NOL4L: variants seen among roughly 807,000 people sequenced by gnomAD.
NOL4L encodes the protein nucleolar protein 4 like.
A neutral mutation model predicts 64.5 loss-of-function variants in NOL4L; 7 were observed. The ratio of observed to expected loss-of-function variants is 0.11; its 90% CI spans 0.06 to 0.20. The LOEUF (loss-of-function observed/expected upper bound fraction) is 0.20, where lower values mean the gene tolerates loss of function less well. NOL4L is among the 10% of genes least tolerant of loss of function. The pLI is 1.00. For synonymous variants in NOL4L, 413 were observed against 401.0 expected (o/e 1.03, Z -0.36); for missense variants, 680 against 967.1 (o/e 0.70, Z 3.94).
chr20:32,475,126 G>C (rs1397324443), intron 4 of NOL4L: 3 of 985,334 alleles, frequency 3.0e-6, no homozygotes, highest in Non-Finnish European at 3.6e-6. Flanking sequence ...CACAGGACCC[G>C]GCGGCAAGAA....
chr20:32,468,772 G>T (rs967623410), intron 5 of NOL4L, among the ~76,000 whole-genome samples: 13 of 151,440 alleles, frequency 8.6e-5, no homozygotes, highest in African/African-American at 3.2e-4. Context: ...GGTGGTGCAC[G>T]CCTGTAATCC....
At chr20:32,511,543 AG>A in intron 3 of NOL4L, 87 bp from the exon 4 acceptor site, 1 of 892,370 alleles carries the variant, frequency 1.1e-6, no homozygotes, top group Non-Finnish European at 1.7e-6. Context: ...CCCGTGGAAG[AG>A]GAAGCCACCT....
chr20:32,515,818 C>A (rs1325544172), intron 3 of NOL4L, among the ~76,000 whole-genome samples: 1 of 152,186 alleles, frequency 6.6e-6, no homozygotes, highest in East Asian at 1.9e-4. Flanking sequence ...GGTCACGGAG[C>A]CTAAATCATC....
intron 5 of NOL4L, among the ~76,000 whole-genome samples, chr20:32,470,243 G>C (rs1171186014): frequency 6.6e-6 from 1 of 152,246 alleles, no homozygotes; most frequent in Non-Finnish European, 1.5e-5. Flanking sequence ...CTCAGGAAGG[G>C]GCAGAGTGAG....
chr20:32,540,959 C>T (rs1003509661), intron 1 of NOL4L, among the ~76,000 whole-genome samples: 4 of 149,808 alleles, frequency 2.7e-5, no homozygotes, highest in Admixed American at 6.7e-5. Flanking sequence ...GTTGCCCCAC[C>T]GATCTCATGT....
chr20:32,561,432 G>A (rs1056876459), intron 1 of NOL4L, among the ~76,000 whole-genome samples: 1 of 152,220 alleles, frequency 6.6e-6, no homozygotes, highest in African/African-American at 2.4e-5. Context: ...TTTCTTAATG[G>A]CGCAATACAA....
At chr20:32,518,781 G>A (rs1206862569) in intron 3 of NOL4L, among the ~76,000 whole-genome samples, 1 of 152,246 alleles carries the variant, frequency 6.6e-6, no homozygotes, top group African/African-American at 2.4e-5. Flanking sequence ...AACCCTGGCA[G>A]GGTGGAGAGT....
chr20:32,462,917 A>AAAAAAAAAAAAAC (rs1256810297), intron 5 of NOL4L, among the ~76,000 whole-genome samples: 2 of 150,694 alleles, frequency 1.3e-5, no homozygotes, highest in African/African-American at 4.9e-5. Context: ...AAAAAAAAAA[A>AAAAAAAAAAAAAC]AAAAAACTGA....
chr20:32,514,871 T>C (rs1039540738), intron 3 of NOL4L, among the ~76,000 whole-genome samples: 1 of 152,018 alleles, frequency 6.6e-6, no homozygotes, highest in Non-Finnish European at 1.5e-5. Context: ...TGAGAAGCTG[T>C]TAAGCACCAT....
rs1600602665 is a variant in NOL4L, at chr20:32,443,595, T to C, written c.*4001A>G. ...TGCCCCCAGAGGAACCCTGAAGAAATGGCTTGTACTATCTGCACTGAAAGT... is the reference window on the plus strand; with the variant it reads ...TGCCCCCAGAGGAACCCTGAAGAAACGGCTTGTACTATCTGCACTGAAAGT... On this transcript the variant is annotated 3_prime_UTR_variant, in exon 11 of 11. Transcript: ENST00000621426. The C allele has an allele frequency of 6.6e-6, 1 of 152,252 alleles. No individual in the cohort carries two copies. Among genetic ancestry groups the C allele is most frequent in the African/African-American group, 2.4e-5 (1 of 41,452 alleles). 9.4% of individuals were successfully genotyped at this position (152,252 alleles called of 1,614,324 possible). A position where few individuals can be genotyped will look rare whatever the true frequency, so the allele number is the denominator to read the frequency against.
intron 1 of NOL4L, among the ~76,000 whole-genome samples, chr20:32,564,130 A>T (rs1028224861): frequency 6.6e-6 from 1 of 152,178 alleles, no homozygotes; most frequent in South Asian, 2.1e-4. Flanking sequence ...GGGCCCCAGG[A>T]TGTCTGTCTG....
intron 1 of NOL4L, among the ~76,000 whole-genome samples, chr20:32,566,678 C>T (rs1224025403): frequency 3.3e-5 from 5 of 152,176 alleles, no homozygotes; most frequent in Non-Finnish European, 7.3e-5. Flanking sequence ...CGGGGCTCTG[C>T]TCAAAATGTC....
intron 5 of NOL4L, among the ~76,000 whole-genome samples, chr20:32,456,820 G>A (rs2013585175): frequency 6.6e-6 from 1 of 152,120 alleles, no homozygotes; most frequent in East Asian, 1.9e-4. Flanking sequence ...TCCTGCTGCC[G>A]GGCACTGCCT....
chr20:32,449,778 G>A (rs904741940), intron 10 of NOL4L: 1 of 152,404 alleles, frequency 6.6e-6, no homozygotes, highest in Non-Finnish European at 1.5e-5. Context: ...GATGGACCCA[G>A]AGGGATGCGG....
rs552752328 is a variant in NOL4L at position 32,461,374 on chromosome 20, C to T, written c.842-4979G>A. Among the ~76,000 whole-genome samples the T allele has an allele frequency of 2.6e-5, 4 of 151,442 alleles. No individual in the cohort carries two copies. In the South Asian group the frequency reaches 8.4e-4, roughly 32 times the overall value. On this transcript the variant is annotated intron_variant, in intron 5 of 10. Coordinates refer to ENST00000621426, the MANE Select transcript of NOL4L (RefSeq NM_001256798.2). ...CGTAAAGGTCACCTTCTCGGTAAGCCCAGCTCCCACCCTGCTCTGGCACAC... is the reference window on the plus strand; with the variant it reads ...CGTAAAGGTCACCTTCTCGGTAAGCTCAGCTCCCACCCTGCTCTGGCACAC...
At chr20:32,488,752 T>TTCCC in intron 4 of NOL4L, among the ~76,000 whole-genome samples, 1 of 44,170 alleles carries the variant, frequency 2.3e-5, no homozygotes, top group Non-Finnish European at 3.8e-5. Context: ...TTTCTTTTCC[T>TTCCC]TCCTTCCTTC....
At chr20:32,499,815 AAAAG>A (rs1446543423) in intron 4 of NOL4L, among the ~76,000 whole-genome samples, 1 of 151,840 alleles carries the variant, frequency 6.6e-6, no homozygotes, top group Non-Finnish European at 1.5e-5. Flanking sequence ...AAAACTTTTA[AAAAG>A]AAAGCCAACA....
In NOL4L at chr20:32,511,330, G is replaced by A. The variant is rs1438739767; in HGVS notation, c.699+17C>T. The A allele has an allele frequency of 1.3e-6, 2 of 1,521,710 alleles. No individual in the cohort carries two copies. The highest frequency in any genetic ancestry group is 8.9e-7 in the Non-Finnish European group (1 of 1,121,716). The allele number at this position is 1,521,710 out of a possible 1,614,324, so 94.3% of individuals were successfully genotyped here. On this transcript the variant is annotated intron_variant, in intron 4 of 10. Coordinates refer to ENST00000621426, the MANE Select transcript of NOL4L (RefSeq NM_001256798.2). ...CAGGACGCCTCCAGGTGGGGTGAGG[G>A]GAGACGGCCGCCTTACCTGCTCCTG...
intron 2 of NOL4L, among the ~76,000 whole-genome samples, chr20:32,523,242 A>T (rs1370218601): frequency 6.6e-6 from 1 of 152,166 alleles, no homozygotes; most frequent in Non-Finnish European, 1.5e-5. Context: ...ACAGGTGAGA[A>T]GTCCTTGGAA....
Sources: gnomAD v4.1 joint callset for allele counts (sites outside exome capture counted in the v4.1 genomes callset) on GRCh38, gnomAD v4.1.1 for gene constraint, MANE v1.5 for transcripts, NCBI Gene and HGNC (gene_info 2026-07-23, HGNC 2026-07-21) for gene names.